Variants in TYRP1 observed in about 807,000 individuals in gnomAD.
TYRP1 encodes tyrosinase related protein 1.
In TYRP1, 49 loss-of-function variants were observed where a neutral mutation model predicts 42.8. The ratio of observed to expected loss-of-function variants is 1.14; its 90% confidence interval spans 0.91 to 1.45. The LOEUF (loss-of-function observed/expected upper bound fraction) is 1.45. TYRP1 is among the 40% of genes most tolerant of loss of function. The pLI is 0.00. For missense variants in TYRP1, 848 were observed against 662.0 expected, an observed-to-expected ratio of 1.28 and a Z score of -3.08; for synonymous variants, 279 against 235.4, an observed-to-expected ratio of 1.19 and a Z score of -1.69.
chr9:12,708,498 A>C (rs1818298106), intron 7 of TYRP1, among the ~76,000 whole-genome samples: 1 of 151,950 alleles, frequency 6.6e-6, no homozygotes, highest in Non-Finnish European at 1.5e-5. Flanking sequence ...GGCCCATGGA[A>C]TATGCCCCAA....
Position 12,709,242 on chromosome 9 carries a change from T to G in TYRP1, c.*60T>G. On this transcript the variant is annotated 3_prime_UTR_variant, in exon 8 of 8. Coordinates refer to ENST00000388918, the MANE Select transcript of TYRP1 (RefSeq NM_000550.3). ...AAACCACCTGGTTGAATATAATAGA[T>G]TGAGTTATTAACTGTATTTTCTTTC... The G allele has an allele frequency of 6.8e-7, 1 of 1,471,642 alleles. No homozygotes were observed. The highest frequency in any genetic ancestry group is 1.1e-5 in the South Asian group (1 of 88,000). The allele number at this position is 1,471,642 out of a possible 1,614,324, so 91.2% of individuals were successfully genotyped here.
intron 4 of TYRP1, 135 bp from the exon 5 acceptor site, chr9:12,702,136 T>C (rs1005997447): frequency 3.4e-5 from 28 of 821,718 alleles, no homozygotes; most frequent in Non-Finnish European, 4.8e-5. Flanking sequence ...TGCTACCAAG[T>C]ATGCATTTTT....
intron 4 of TYRP1, among the ~76,000 whole-genome samples, chr9:12,699,605 T>C (rs1818133539): frequency 6.6e-6 from 1 of 152,134 alleles, no homozygotes; most frequent in Non-Finnish European, 1.5e-5. Context: ...TTTTCACCAT[T>C]AGATTATTTA....
Position 12,695,526 on chromosome 9 carries a change from C to A in TYRP1, c.397C>A (p.Leu133Ile). ...TTGTATCCCTAAAGTCAGGAGAAAT[C>A]TTCTGGACTTAAGTAAAGAAGAAAA... Reference protein sequence around the residue: ...DQRVLIVRRNLLDLSKEEKNH... With the variant: ...DQRVLIVRRNILDLSKEEKNH... Residue 133 changes from leucine (L) to isoleucine (I), a missense_variant, in exon 3 of 8, where the codon CTT (leucine) becomes ATT (isoleucine). Physicochemically the swap from Leu to Ile is conservative, Grantham distance 5. Coordinates refer to ENST00000388918, the MANE Select transcript of TYRP1 (RefSeq NM_000550.3). 1 of 1,614,100 alleles carries A rather than the reference C, an allele frequency of 6.2e-7. No homozygotes were observed. Among genetic ancestry groups the A allele is most frequent in the East Asian group, 2.2e-5 (1 of 44,868 alleles).
chr9:12,702,552 A>G, intron 5 of TYRP1, 114 bp downstream of exon 5: 2 of 1,103,690 alleles, frequency 1.8e-6, no homozygotes, highest in Non-Finnish European at 2.7e-6. Flanking sequence ...CTGTGTGTTT[A>G]TGTGAATGAG....
At position 12,694,304 on chromosome 9, in the gene TYRP1, G is replaced by A. The variant is rs761214982; in HGVS notation, c.308G>A (p.Gly103Asp). The A allele has an allele frequency of 6.2e-7, 1 of 1,613,902 alleles. No homozygotes were observed. Among genetic ancestry groups the A allele is most frequent in the Admixed American group, 1.7e-5 (1 of 59,984 alleles). Reference sequence around the variant, plus strand: ...TTCAATAGGACATGTCACTGCAACGGCAATTTCTCAGGACACAACTGTGGG... The same window carrying A: ...TTCAATAGGACATGTCACTGCAACGACAATTTCTCAGGACACAACTGTGGG... The part of the protein sequence containing the change: ...RFFNRTCHCN[G>D]NFSGHNCGTC... Residue 103 changes from glycine (G) to aspartate (D), a missense_variant, in exon 2 of 8, where the codon GGC becomes GAC. Gly to Asp is a moderately conservative substitution (Grantham distance 94). Coordinates refer to ENST00000388918, the MANE Select transcript of TYRP1 (RefSeq NM_000550.3).
rs985557568 is a variant in TYRP1 at position 12,698,692 on chromosome 9, T to G, written c.913+37T>G. The G allele has an allele frequency of 3.8e-6, 6 of 1,591,052 alleles. No homozygotes were observed. In the African/African-American group the frequency reaches 6.7e-5, roughly 18 times the overall value. On this transcript the variant is annotated intron_variant, in intron 4 of 7. Transcript: ENST00000388918. ...ATGATAGCTTGGAGTCAGAATTTCT[T>G]TTTAGATAAAGAGATTAAATATGTT...
Position 12,695,642 on chromosome 9 carries a change from G to A in TYRP1, c.513G>A (p.Gly171=), listed in dbSNP as rs749152733. 6 of 1,614,138 alleles carry A rather than the reference G, an allele frequency of 3.7e-6. No individual in the cohort carries two copies. In the Admixed American group the frequency reaches 6.7e-5, roughly 18 times the overall value. The change falls in exon 3 of 8, where the codon GGG becomes GGA. Residue 171 remains glycine, a synonymous_variant. Coordinates refer to ENST00000388918, the MANE Select transcript of TYRP1 (RefSeq NM_000550.3). ...IATRRSEEIL[G]PDGNTPQFEN... ...CCAGGAGATCAGAAGAAATACTGGG[G>A]CCAGATGGCAACACGCCACAATTTG... is the stretch of plus-strand genomic sequence containing the variant.
intron 5 of TYRP1, among the ~76,000 whole-genome samples, chr9:12,703,872 T>A (rs1818213854): frequency 1.2e-5 from 1 of 82,602 alleles, no homozygotes; most frequent in Admixed American, 1.5e-4. Flanking sequence ...ATATATGGAA[T>A]ATATATATAT....
At chr9:12,701,377 C>T (rs368387128) in intron 4 of TYRP1, among the ~76,000 whole-genome samples, 2 of 151,992 alleles carry the variant, frequency 1.3e-5, no homozygotes, top group East Asian at 3.9e-4. Flanking sequence ...TGACAGGCAC[C>T]AAACAACTCT....
intron 5 of TYRP1, 43 bp downstream of exon 5, chr9:12,702,481 G>A (rs1259004587): frequency 6.3e-7 from 1 of 1,589,942 alleles, no homozygotes; most frequent in East Asian, 2.3e-5. Flanking sequence ...CTAGTTATCA[G>A]AGAAAACTGA....
intron 1 of TYRP1, among the ~76,000 whole-genome samples, 177 bp from the exon 2 acceptor site, chr9:12,693,735 G>T (rs1818030503): frequency 6.6e-6 from 1 of 151,018 alleles, no homozygotes; most frequent in Non-Finnish European, 1.5e-5. Context: ...ACACATGCAG[G>T]TGTTATATAT....
chr9:12,694,356 T>G lies in TYRP1; in HGVS notation c.360T>G (p.Ala120=). Residue 120 remains alanine (A), a synonymous_variant, in exon 2 of 8, where the codon GCT becomes GCG. Coordinates refer to ENST00000388918, the MANE Select transcript of TYRP1 (RefSeq NM_000550.3). ...CGTCRPGWRG[A]ACDQRVLIVR... The stretch of plus-strand genomic sequence containing the variant: ...CGTGCCGTCCTGGCTGGAGAGGAGC[T>G]GCCTGTGACCAGAGGGTTCTCATAG... The G allele has an allele frequency of 6.2e-7, 1 of 1,614,064 alleles. No homozygotes were observed. Among genetic ancestry groups the G allele is most frequent in the Non-Finnish European group, 8.5e-7 (1 of 1,180,014 alleles).
intron 4 of TYRP1, chr9:12,701,563 A>G (rs1160054176): frequency 2.6e-5 from 4 of 151,798 alleles, no homozygotes; most frequent in South Asian, 2.1e-4. Flanking sequence ...TCTTAATCCT[A>G]TGGGGCTTTG....
intron 4 of TYRP1, chr9:12,700,702 T>C (rs1412365843): frequency 6.6e-6 from 1 of 152,092 alleles, no homozygotes; most frequent in Admixed American, 6.6e-5. Context: ...ACAATGGAAC[T>C]CTGTGAGGGC....
chr9:12,705,815 C>G (rs946313714), intron 6 of TYRP1, among the ~76,000 whole-genome samples: 1 of 151,148 alleles, frequency 6.6e-6, no homozygotes, highest in African/African-American at 2.5e-5. Context: ...CCACTGCACT[C>G]TAGCCTGGCT....
chr9:12,708,912 G>A, intron 7 of TYRP1, 65 bp from the exon 8 acceptor site: 1 of 1,399,472 alleles, frequency 7.1e-7, no homozygotes, highest in Non-Finnish European at 1.0e-6. Context: ...AATTTCATCT[G>A]TCCACTTTTT....
chr9:12,694,094 T>C lies in TYRP1; in HGVS notation c.98T>C (p.Val33Ala), dbSNP rs146838872. ...CAATTCCCAAGACAGTGTGCCACTG[T>C]TGAGGCTTTGAGAAGTGGTATGTGT... ...RAQFPRQCAT[V>A]EALRSGMCCP... The change falls in exon 2 of 8, where the codon GTT becomes GCT. Residue 33 changes from valine to alanine, a missense_variant. Physicochemically the swap from Val to Ala is moderately conservative, Grantham distance 64. Transcript: ENST00000388918. 1,609 of 1,614,080 alleles carry C rather than the reference T, an allele frequency of 1.0e-3. 3 individuals are homozygous for C. Among genetic ancestry groups the C allele is most frequent in the Middle Eastern group, 1.8e-3 (11 of 6,062 alleles).
intron 5 of TYRP1, among the ~76,000 whole-genome samples, chr9:12,704,154 C>A (rs1274082369): frequency 6.6e-6 from 1 of 152,004 alleles, no homozygotes; most frequent in African/African-American, 2.4e-5. Flanking sequence ...CCAGAGCATT[C>A]TTCTCCCAAT....
Sources: allele counts gnomAD v4.1 joint callset (sites outside exome capture counted in the v4.1 genomes callset), GRCh38; gene constraint gnomAD v4.1.1; transcripts MANE v1.5; gene names NCBI Gene and HGNC (gene_info 2026-07-23, HGNC 2026-07-21).